Variants in MAP7D2 observed in about 807,000 individuals in gnomAD.
MAP7D2 encodes MAP7 domain-containing protein 2.
A neutral mutation model predicts 63.5 loss-of-function variants in MAP7D2; 33 were observed. That is an observed-to-expected ratio of 0.52 (90% CI 0.39 to 0.70). The LOEUF is 0.70. MAP7D2 is among the 30% of genes least tolerant of loss of function. MAP7D2 has a pLI of 0.00. For missense variants in MAP7D2, 626 were observed against 604.0 expected (o/e 1.04, Z -0.38); for synonymous variants, 224 against 223.7 (o/e 1.00, Z -0.01).
intron 1 of MAP7D2, among the ~76,000 whole-genome samples, chrX:20,100,615 G>A (rs1027844733): frequency 5.5e-5 from 6 of 109,400 alleles, no homozygotes; most frequent in Non-Finnish European, 9.5e-5. Context: ...AAGTAGAGCT[G>A]GGGGGGAGGG....
intron 12 of MAP7D2, 136 bp from the exon 13 acceptor site, chrX:20,013,761 T>C: frequency 2.2e-6 from 1 of 454,102 alleles, no homozygotes; most frequent in Admixed American, 4.3e-5. Flanking sequence ...GGATAACAAG[T>C]ATAGAAAGGT....
chrX:20,020,834 T>C (rs2073613317), intron 10 of MAP7D2, among the ~76,000 whole-genome samples: 1 of 111,935 alleles, frequency 8.9e-6, no homozygotes, highest in Non-Finnish European at 1.9e-5. Context: ...CGTAGGGAGC[T>C]GTCTAACTGG....
At chrX:20,095,410 G>A (rs1320949365) in intron 1 of MAP7D2, among the ~76,000 whole-genome samples, 1 of 110,941 alleles carries the variant, frequency 9.0e-6, no homozygotes, top group Non-Finnish European at 1.9e-5. Flanking sequence ...ATGGTGACAA[G>A]TGACTGTTTT....
intron 8 of MAP7D2, among the ~76,000 whole-genome samples, chrX:20,032,602 C>G (rs193163171): frequency 8.9e-6 from 1 of 111,873 alleles, no homozygotes; most frequent in Non-Finnish European, 1.9e-5. Flanking sequence ...GTTTTCAACA[C>G]ATGATAAAGT....
intron 10 of MAP7D2, among the ~76,000 whole-genome samples, chrX:20,023,522 G>A (rs1374476526): frequency 2.7e-5 from 3 of 112,743 alleles, no homozygotes; most frequent in Non-Finnish European, 5.6e-5. Context: ...CAACGAGGAG[G>A]AGTGGTAGGT....
chrX:20,115,229 T>C (rs1300434334), intron 1 of MAP7D2, among the ~76,000 whole-genome samples: 1 of 105,139 alleles, frequency 9.5e-6, no homozygotes, highest in Admixed American at 1.0e-4. Context: ...TTCCCCAATT[T>C]TGTTTCCATT....
At chrX:20,044,239 T>C in intron 7 of MAP7D2, 125 bp downstream of exon 7, 1 of 729,189 alleles carries the variant, frequency 1.4e-6, no homozygotes, top group Non-Finnish European at 2.0e-6. Flanking sequence ...AATCTACCCT[T>C]TCCTGCTTTG....
At position 20,025,913 on chromosome X, in the gene MAP7D2, C is replaced by T. The variant is rs992419109; in HGVS notation, c.1047G>A (p.Thr349=). 1.2e-5 allele frequency: 15 copies of T among 1,209,563 alleles called. No homozygotes were observed. Among genetic ancestry groups the T allele is most frequent in the East Asian group, 3.0e-5 (1 of 33,736 alleles). ...TKAYPQSPKT[T]KPPYPGSPVK... ...CAGGAGACCCTGGGTAGGGAGGTTT[C>T]GTTGTCTTTGGAGACTGTGGATAAG... The change falls in exon 9 of 17, where the codon ACG becomes ACA. Residue 349 remains threonine, a synonymous_variant. Coordinates refer to ENST00000379643, the MANE Select transcript of MAP7D2 (RefSeq NM_001168465.2).
At position 20,067,466 on chromosome X, in the gene MAP7D2, A is replaced by C. The variant is rs562532400; in HGVS notation, c.131-2661T>G. Among the ~76,000 whole-genome samples the C allele has an allele frequency of 7.8e-4, 87 of 111,058 alleles. 1 individual carries two copies. In the South Asian group the frequency reaches 0.032, roughly 41 times the overall value. On this transcript the variant is annotated intron_variant, in intron 1 of 16. Coordinates refer to ENST00000379643, the MANE Select transcript of MAP7D2 (RefSeq NM_001168465.2). ...TCATCACCAGCATCATCATAATAAGAGGTAATAACTGAGCAGTTCCCAAGG... is the reference window on the plus strand; with the variant it reads ...TCATCACCAGCATCATCATAATAAGCGGTAATAACTGAGCAGTTCCCAAGG...
chrX:20,085,823 T>C (rs1335526706), intron 1 of MAP7D2, among the ~76,000 whole-genome samples: 2 of 112,133 alleles, frequency 1.8e-5, no homozygotes, highest in Non-Finnish European at 3.8e-5. Flanking sequence ...GTGATTCTCC[T>C]GCCTCAGCCT....
chrX:20,098,885 C>T (rs1386932654), intron 1 of MAP7D2, among the ~76,000 whole-genome samples: 2 of 112,546 alleles, frequency 1.8e-5, no homozygotes, highest in East Asian at 2.8e-4. Flanking sequence ...AAGTCAGCAG[C>T]ACTCCATAAA....
intron 11 of MAP7D2, 49 bp downstream of exon 11, chrX:20,016,045 C>T: frequency 9.5e-7 from 1 of 1,047,348 alleles, no homozygotes; most frequent in Non-Finnish European, 1.3e-6. Flanking sequence ...TACCTACTAT[C>T]AAGGTCCTTA....
chrX:20,112,341 A>G (rs1262251409), intron 1 of MAP7D2, among the ~76,000 whole-genome samples: 2 of 111,846 alleles, frequency 1.8e-5, no homozygotes, highest in Non-Finnish European at 3.8e-5. Flanking sequence ...CATGCGGCTC[A>G]CTCATACCTG....
intron 1 of MAP7D2, among the ~76,000 whole-genome samples, chrX:20,080,623 C>A (rs1297561070): frequency 9.1e-6 from 1 of 110,497 alleles, no homozygotes; most frequent in African/African-American, 3.3e-5. Context: ...GACAAAATGA[C>A]CCTTGAAGAG....
At chrX:20,089,455 C>T (rs2066006979) in intron 1 of MAP7D2, among the ~76,000 whole-genome samples, 1 of 112,162 alleles carries the variant, frequency 8.9e-6, no homozygotes, top group Admixed American at 9.4e-5. Context: ...CCAACAATGA[C>T]AGTATTAAGT....
chrX:20,090,243 C>A (rs747958370), intron 1 of MAP7D2, among the ~76,000 whole-genome samples: 1 of 109,175 alleles, frequency 9.2e-6, no homozygotes, highest in Admixed American at 1.0e-4. Flanking sequence ...GCATGTAATT[C>A]CAGAACTTTT....
chrX:20,093,345 A>G (rs1001997086), intron 1 of MAP7D2, among the ~76,000 whole-genome samples: 3 of 111,864 alleles, frequency 2.7e-5, no homozygotes, highest in Non-Finnish European at 5.6e-5. Context: ...GGCTTATATT[A>G]TAATTTAGAG....
chrX:20,063,929 T>C (rs2065285004), intron 2 of MAP7D2, among the ~76,000 whole-genome samples: 1 of 112,709 alleles, frequency 8.9e-6, no homozygotes, highest in African/African-American at 3.2e-5. Flanking sequence ...GTCAAACTTG[T>C]GCATAATGGC....
chrX:20,035,395 T>C (rs1372619081), intron 8 of MAP7D2, among the ~76,000 whole-genome samples: 2 of 112,035 alleles, frequency 1.8e-5, no homozygotes, highest in Non-Finnish European at 3.8e-5. Flanking sequence ...GGGGATTCTC[T>C]GAGGCACTGG....
Sources: gnomAD v4.1 joint callset for allele counts (sites outside exome capture counted in the v4.1 genomes callset) on GRCh38, gnomAD v4.1.1 for gene constraint, MANE v1.5 for transcripts, NCBI Gene and HGNC (gene_info 2026-07-23, HGNC 2026-07-21) for gene names.